The following PPP4R3A variants were observed in gnomAD, a reference collection of about 807,000 sequenced individuals.
PPP4R3A encodes serine/threonine-protein phosphatase 4 regulatory subunit 3A.
A neutral mutation model predicts 91.7 loss-of-function variants in PPP4R3A; 15 were observed. The ratio of observed to expected loss-of-function variants is 0.16; its 90% CI spans 0.11 to 0.25. The LOEUF (loss-of-function observed/expected upper bound fraction) is 0.25, where lower values mean the gene tolerates loss of function less well. PPP4R3A is among the 10% of genes least tolerant of loss of function. PPP4R3A has a pLI of 1.00. For missense variants in PPP4R3A, 623 were observed against 998.4 expected, an observed-to-expected ratio of 0.62 and a Z score of 5.07; for synonymous variants, 377 against 348.7, an observed-to-expected ratio of 1.08 and a Z score of -0.91.
intron 1 of PPP4R3A, among the ~76,000 whole-genome samples, chr14:91,499,881 T>C (rs1367464218): frequency 6.7e-6 from 1 of 149,196 alleles, no homozygotes; most frequent in Non-Finnish European, 1.5e-5. Flanking sequence ...TCCTATAAAA[T>C]GAAATGTGAG....
rs1265967798 is a variant in PPP4R3A at position 91,496,295 on chromosome 14, T to C, written c.143-5493A>G. On this transcript the variant is annotated intron_variant, in intron 1 of 14. Transcript: ENST00000554943. ...ATTTGTGTACCTTTTTGATGTATTA[T>C]ACTGCAATTCAAAAGTTTTTTTAAG... 5.3e-5 allele frequency among the ~76,000 whole-genome samples: 8 copies of C among 152,332 alleles called. No individual in the cohort carries two copies. The East Asian group carries it at 7.7e-4, about 15-fold the overall frequency.
At chr14:91,459,171 C>A (rs1887967665) in intron 14 of PPP4R3A, among the ~76,000 whole-genome samples, 1 of 152,028 alleles carries the variant, frequency 6.6e-6, no homozygotes, top group Admixed American at 6.6e-5. Context: ...GTGGTGCGAT[C>A]TCGGCTCACT....
intron 1 of PPP4R3A, among the ~76,000 whole-genome samples, chr14:91,504,195 C>T (rs188739683): frequency 2.0e-3 from 300 of 151,250 alleles, no homozygotes; most frequent in Non-Finnish European, 2.9e-3. Flanking sequence ...TTTTTAATTA[C>T]CCAGGCACAG....
intron 4 of PPP4R3A, among the ~76,000 whole-genome samples, chr14:91,477,688 C>CACCCA (rs1264552927): frequency 6.6e-6 from 1 of 152,160 alleles, no homozygotes; most frequent in African/African-American, 2.4e-5. Context: ...CTTGCTCTGT[C>CACCCA]ACCCAGGTAG....
chr14:91,503,375 C>A (rs1324495716), intron 1 of PPP4R3A, among the ~76,000 whole-genome samples: 1 of 152,010 alleles, frequency 6.6e-6, no homozygotes, highest in African/African-American at 2.4e-5. Flanking sequence ...GTAGCCTCGA[C>A]CTCTGGGCTC....
At chr14:91,499,484 T>C (rs1409780464) in intron 1 of PPP4R3A, among the ~76,000 whole-genome samples, 1 of 151,558 alleles carries the variant, frequency 6.6e-6, no homozygotes, top group African/African-American at 2.4e-5. Flanking sequence ...AATTAGGAAA[T>C]GGGAAAACAA....
intron 3 of PPP4R3A, among the ~76,000 whole-genome samples, chr14:91,482,601 A>G (rs1157664205): frequency 6.6e-6 from 1 of 152,222 alleles, no homozygotes; most frequent in Non-Finnish European, 1.5e-5. Context: ...GGACTGTGCT[A>G]AAGGACACTG....
At chr14:91,490,712 A>C in intron 2 of PPP4R3A, 35 bp downstream of exon 2, 1 of 1,565,876 alleles carries the variant, frequency 6.4e-7, no homozygotes, top group South Asian at 1.1e-5. Flanking sequence ...TCAAAAGGAA[A>C]ATATGCAAGA....
intron 13 of PPP4R3A, 55 bp from the exon 14 acceptor site, chr14:91,461,662 C>T: frequency 9.1e-6 from 14 of 1,541,966 alleles, no homozygotes; most frequent in Non-Finnish European, 1.2e-5. Context: ...TTTAAATTTC[C>T]CCAAATGAGG....
At chr14:91,473,941 G>A (rs896093465) in intron 7 of PPP4R3A, among the ~76,000 whole-genome samples, 2 of 151,896 alleles carry the variant, frequency 1.3e-5, no homozygotes, top group Non-Finnish European at 2.9e-5. Context: ...GGCTAATTTT[G>A]TATTTTTAGT....
chr14:91,476,846 G>T, intron 5 of PPP4R3A, 63 bp downstream of exon 5: 1 of 1,400,956 alleles, frequency 7.1e-7, no homozygotes, highest in Non-Finnish European at 9.8e-7. Context: ...ATTTACAGGC[G>T]TGAGCCACCA....
chr14:91,473,196 A>G (rs1008610353), intron 8 of PPP4R3A, 43 bp downstream of exon 8: 2 of 1,612,706 alleles, frequency 1.2e-6, no homozygotes, highest in East Asian at 4.5e-5. Context: ...AGCAATACAC[A>G]ATATACTAGC....
chr14:91,465,523 TATCA>T lies in PPP4R3A; in HGVS notation c.1661-108_1661-105del, dbSNP rs1245204122. On this transcript the variant is annotated intron_variant, in intron 10 of 14. Coordinates refer to ENST00000554943, the MANE Select transcript of PPP4R3A (RefSeq NM_001366432.2). The stretch of plus-strand genomic sequence containing the variant: ...AAACCAAAAAAAACTGTTTAACACA[TATCA>T]ATAATTATTTATGATGTTTGCACTT... The T allele has an allele frequency of 3.2e-6, 3 of 939,574 alleles. No individual in the cohort carries two copies. The African/African-American group carries it at 5.1e-5, about 16-fold the overall frequency. 58.2% of individuals were successfully genotyped at this position (939,574 alleles called of 1,614,324 possible).
rs763346334 is a variant in PPP4R3A, at chr14:91,510,304, G to A, written c.-657C>T. On this transcript the variant is annotated 5_prime_UTR_variant, in exon 1 of 15. Coordinates refer to ENST00000554943, the MANE Select transcript of PPP4R3A (RefSeq NM_001366432.2). ...CGCCATCTTGGTTCGCCCCTCAAAA[G>A]CGGCGCGCGGGGCCACCCAGGGAGC... 1.2e-4 allele frequency: 19 copies of A among 152,822 alleles called. No homozygotes were observed. The highest frequency in any genetic ancestry group is 2.2e-4 in the Non-Finnish European group (15 of 68,418). The allele number at this position is 152,822 out of a possible 1,614,324, so 9.5% of individuals were successfully genotyped here. A position where few individuals can be genotyped will look rare whatever the true frequency, so the allele number is the denominator to read the frequency against.
chr14:91,499,340 A>C (rs993935091), intron 1 of PPP4R3A, among the ~76,000 whole-genome samples: 2 of 152,158 alleles, frequency 1.3e-5, no homozygotes, highest in South Asian at 4.1e-4. Context: ...AAAAAGTTCG[A>C]GGAATGCTAC....
At position 91,462,281 on chromosome 14, in the gene PPP4R3A, C is replaced by T. The variant is rs753064317; in HGVS notation, c.1974-42G>A. On this transcript the variant is annotated intron_variant, in intron 12 of 14. Coordinates refer to ENST00000554943, the MANE Select transcript of PPP4R3A (RefSeq NM_001366432.2). Reference sequence around the variant, plus strand: ...AAGAGTAAATACAATCATATATGGACTTAATTGTACTGTTACAGATGACTT... The same window carrying T: ...AAGAGTAAATACAATCATATATGGATTTAATTGTACTGTTACAGATGACTT... 3 of 1,463,694 alleles carry T rather than the reference C, an allele frequency of 2.0e-6. No individual in the cohort carries two copies. In the South Asian group the frequency reaches 4.7e-5, roughly 23 times the overall value. 90.7% of individuals were successfully genotyped at this position (1,463,694 alleles called of 1,614,324 possible).
intron 10 of PPP4R3A, among the ~76,000 whole-genome samples, chr14:91,466,041 A>G (rs1567146589): frequency 6.6e-6 from 1 of 152,050 alleles, no homozygotes; most frequent in Non-Finnish European, 1.5e-5. Context: ...ATGCTTTTTA[A>G]TTTTTTTCTA....
chr14:91,478,140 C>G (rs983015513), intron 4 of PPP4R3A, among the ~76,000 whole-genome samples: 1 of 152,170 alleles, frequency 6.6e-6, no homozygotes, highest in Non-Finnish European at 1.5e-5. Context: ...TTATTCTCAC[C>G]TTTACTTTTT....
At chr14:91,492,449 A>G (rs938264745) in intron 1 of PPP4R3A, among the ~76,000 whole-genome samples, 1 of 152,220 alleles carries the variant, frequency 6.6e-6, no homozygotes, top group Non-Finnish European at 1.5e-5. Context: ...TTAATGATTT[A>G]ATGACCATTC....
Sources: gnomAD v4.1 joint callset for allele counts (sites outside exome capture counted in the v4.1 genomes callset) on GRCh38, gnomAD v4.1.1 for gene constraint, MANE v1.5 for transcripts, NCBI Gene and HGNC (gene_info 2026-07-23, HGNC 2026-07-21) for gene names.